Variants in PHAF1 observed in about 807,000 individuals in gnomAD.
PHAF1 encodes phagophore assembly factor 1, also known as phagosome assembly factor 1.
In PHAF1, 23 loss-of-function variants were observed where a neutral mutation model predicts 63.1. That is an observed-to-expected ratio of 0.36 (90% CI 0.26 to 0.52). The LOEUF (loss-of-function observed/expected upper bound fraction) is 0.52, where lower values mean the gene tolerates loss of function less well. PHAF1 is among the 20% of genes least tolerant of loss of function. The probability of loss-of-function intolerance (pLI) is 0.93; values close to 1 mark genes in which losing one functional copy is unlikely to be tolerated. For missense variants in PHAF1, 427 were observed against 517.2 expected, an observed-to-expected ratio of 0.83 and a Z score of 1.69; for synonymous variants, 167 against 185.0, an observed-to-expected ratio of 0.90 and a Z score of 0.79.
At chr16:67,122,645 C>T (rs905339120) in intron 2 of PHAF1, among the ~76,000 whole-genome samples, 3 of 151,022 alleles carry the variant, frequency 2.0e-5, no homozygotes, top group African/African-American at 7.3e-5. Flanking sequence ...ATTTCTAATT[C>T]ATGAGAGTTG....
chr16:67,111,122 C>T (rs901956613), intron 1 of PHAF1, among the ~76,000 whole-genome samples: 3 of 152,192 alleles, frequency 2.0e-5, no homozygotes, highest in African/African-American at 7.2e-5. Flanking sequence ...CCCCGCTTCT[C>T]TCTCTTTTGA....
At chr16:67,119,522 CTT>C (rs540049566) in intron 1 of PHAF1, among the ~76,000 whole-genome samples, 35 of 138,536 alleles carry the variant, frequency 2.5e-4, no homozygotes, top group Admixed American at 3.7e-4. Flanking sequence ...TCATACGCAT[CTT>C]TTTTTTTTTT....
In PHAF1 at chr16:67,134,184, G is replaced by T; in HGVS notation, c.467G>T (p.Gly156Val). 1 of 1,613,998 alleles carries T rather than the reference G, an allele frequency of 6.2e-7. No individual in the cohort carries two copies. The highest frequency in any genetic ancestry group is 8.5e-7 in the Non-Finnish European group (1 of 1,179,948). ...TGTTTGCAGCCCAATTTTGCCCATG[G>T]CCTGGCTTCTCTCCAGATACCCCAT... Reference protein sequence around the residue: ...APKYEPNFAHGLASLQIPHGA... With the variant: ...APKYEPNFAHVLASLQIPHGA... The change falls in exon 7 of 16, where the codon GGC becomes GTC. Residue 156 changes from glycine (G) to valine (V), a missense_variant. Gly to Val is a moderately radical substitution (Grantham distance 109). Coordinates refer to ENST00000219139, the MANE Select transcript of PHAF1 (RefSeq NM_025187.5).
chr16:67,128,533 C>A lies in PHAF1; in HGVS notation c.231+2491C>A, dbSNP rs540464105. On this transcript the variant is annotated intron_variant, in intron 3 of 15. Transcript: ENST00000219139. ...GTTGCTTCCCACCCCCTGCCTCAAG[C>A]CTAAGAGAGACAGCCCTGTGGAATG... 7.2e-5 allele frequency among the ~76,000 whole-genome samples: 11 copies of A among 152,318 alleles called. No homozygotes were observed. In the South Asian group the frequency reaches 2.1e-3, roughly 29 times the overall value.
At chr16:67,146,714 T>C (rs1300274753) in intron 15 of PHAF1, among the ~76,000 whole-genome samples, 2 of 152,018 alleles carry the variant, frequency 1.3e-5, no homozygotes, top group African/African-American at 4.8e-5. Flanking sequence ...ACAAATGCAT[T>C]GTAGGGGAGT....
Position 67,134,193 on chromosome 16 carries a change from C to T in PHAF1, c.476C>T (p.Ser159Phe). The change falls in exon 7 of 16, where the codon TCT becomes TTT. Residue 159 changes from serine (S) to phenylalanine (F), a missense_variant. Ser to Phe is a radical substitution (Grantham distance 155). Transcript: ENST00000219139. ...YEPNFAHGLASLQIPHGATVK... is the reference protein window; with the variant it reads ...YEPNFAHGLAFLQIPHGATVK... Reference sequence around the variant, plus strand: ...CCCAATTTTGCCCATGGCCTGGCTTCTCTCCAGATACCCCATGGAGCAACT... The same window carrying T: ...CCCAATTTTGCCCATGGCCTGGCTTTTCTCCAGATACCCCATGGAGCAACT... 1 of 1,614,154 alleles carries T rather than the reference C, an allele frequency of 6.2e-7. No homozygotes were observed. The highest frequency in any genetic ancestry group is 2.2e-5 in the East Asian group (1 of 44,876).
At chr16:67,131,428 T>A in intron 4 of PHAF1, 99 bp downstream of exon 4, 1 of 903,664 alleles carries the variant, frequency 1.1e-6, no homozygotes, top group Non-Finnish European at 1.7e-6. Flanking sequence ...GTCACAGATG[T>A]GAATTATAGC....
chr16:67,147,224 A>T lies in PHAF1; in HGVS notation c.*93A>T, dbSNP rs2030176756. The T allele has an allele frequency of 8.0e-7, 1 of 1,252,724 alleles. No homozygotes were observed. The highest frequency in any genetic ancestry group is 1.2e-6 in the Non-Finnish European group (1 of 865,680). The allele number at this position is 1,252,724 out of a possible 1,614,324, so 77.6% of individuals were successfully genotyped here. A position where few individuals can be genotyped will look rare whatever the true frequency, so the allele number is the denominator to read the frequency against. ...TACCACCCTGTGGGTTTTCTTGGAC[A>T]CCTGGCCAGTGCTGAAGGGCTGTTG... On this transcript the variant is annotated 3_prime_UTR_variant, in exon 16 of 16. Coordinates refer to ENST00000219139, the MANE Select transcript of PHAF1 (RefSeq NM_025187.5).
intron 10 of PHAF1, among the ~76,000 whole-genome samples, chr16:67,142,996 G>A (rs1416601805): frequency 6.6e-6 from 1 of 152,200 alleles, no homozygotes; most frequent in Non-Finnish European, 1.5e-5. Context: ...GGGTACAGGG[G>A]TAGAGTCAGA....
At chr16:67,138,866 T>C in intron 8 of PHAF1, among the ~76,000 whole-genome samples, 1 of 152,170 alleles carries the variant, frequency 6.6e-6, no homozygotes, top group Middle Eastern at 3.2e-3. Context: ...TACTTGTTGA[T>C]AGAGCAGTTT....
chr16:67,112,065 T>C (rs1962540090), intron 1 of PHAF1, among the ~76,000 whole-genome samples: 2 of 152,198 alleles, frequency 1.3e-5, no homozygotes, highest in African/African-American at 4.8e-5. Context: ...AGGCTGGTGA[T>C]ACCATGCTAA....
chr16:67,142,119 C>T lies in PHAF1; in HGVS notation c.879+1525C>T, dbSNP rs541073263. On this transcript the variant is annotated intron_variant, in intron 10 of 15. Coordinates refer to ENST00000219139, the MANE Select transcript of PHAF1 (RefSeq NM_025187.5). ...TCTTTCTGCAGGCAGGTCATCCTGA[C>T]GAGTATCCAGCTCTCAGCAGAGAGA... Among the ~76,000 whole-genome samples the T allele has an allele frequency of 1.1e-4, 16 of 152,204 alleles. No homozygotes were observed. The South Asian group carries it at 1.5e-3, about 14-fold the overall frequency.
chr16:67,133,515 A>C (rs901055736), intron 6 of PHAF1, among the ~76,000 whole-genome samples: 6 of 151,060 alleles, frequency 4.0e-5, no homozygotes, highest in South Asian at 4.2e-4. Flanking sequence ...AAAAAAAAAA[A>C]AAAAAAACAG....
chr16:67,113,699 T>G (rs1301653995), intron 1 of PHAF1, among the ~76,000 whole-genome samples: 1 of 151,310 alleles, frequency 6.6e-6, no homozygotes, highest in Non-Finnish European at 1.5e-5. Flanking sequence ...TCCGCCCACC[T>G]CGGCCTCCCA....
intron 3 of PHAF1, among the ~76,000 whole-genome samples, chr16:67,129,352 G>A (rs1597201177): frequency 6.6e-6 from 1 of 152,242 alleles, no homozygotes; most frequent in Non-Finnish European, 1.5e-5. Flanking sequence ...ACACAAGTAT[G>A]GAGGAAAGGA....
intron 8 of PHAF1, 136 bp from the exon 9 acceptor site, chr16:67,139,848 G>A (rs1597213634): frequency 1.1e-6 from 1 of 944,504 alleles, no homozygotes; most frequent in East Asian, 2.4e-5. Context: ...GTGACCTGAT[G>A]TTTCTGATTG....
chr16:67,136,200 A>T (rs931031466), intron 8 of PHAF1: 1 of 152,206 alleles, frequency 6.6e-6, no homozygotes, highest in Non-Finnish European at 1.5e-5. Flanking sequence ...GCTACTCAGG[A>T]GGCTGAGACA....
At chr16:67,121,826 G>A (rs992420467) in intron 2 of PHAF1, among the ~76,000 whole-genome samples, 4 of 151,832 alleles carry the variant, frequency 2.6e-5, no homozygotes. Flanking sequence ...GTGATCCACC[G>A]GCCTCGGCCT....
intron 1 of PHAF1, among the ~76,000 whole-genome samples, chr16:67,118,859 C>A (rs929519010): frequency 4.9e-5 from 7 of 142,278 alleles, no homozygotes; most frequent in Non-Finnish European, 1.1e-4. Flanking sequence ...ACTGCAGGAT[C>A]AACCTCCTGG....
Sources: allele counts gnomAD v4.1 joint callset (sites outside exome capture counted in the v4.1 genomes callset), GRCh38; gene constraint gnomAD v4.1.1; transcripts MANE v1.5; gene names NCBI Gene and HGNC (gene_info 2026-07-23, HGNC 2026-07-21).